RAG1: variants seen among roughly 807,000 people sequenced by gnomAD.
RAG1 encodes recombination activating 1.
A neutral mutation model predicts 62.7 loss-of-function variants in RAG1; 35 were observed. The ratio of observed to expected loss-of-function variants is 0.56; its 90% CI spans 0.43 to 0.74. The LOEUF is 0.74. Among genes scored for constraint, RAG1 ranks in the 30% least tolerant of loss-of-function variants. The pLI, the probability that RAG1 is intolerant of heterozygous loss-of-function variation, is 0.00. For missense variants in RAG1, 1,169 were observed against 1,278.6 expected (o/e 0.91, Z 1.31); for synonymous variants, 461 against 470.3 (o/e 0.98, Z 0.26).
In RAG1 at chr11:36,578,609, C is replaced by T. The variant is rs1645359453; in HGVS notation, c.*2173C>T. 6.0e-6 allele frequency: 1 copy of T among 166,932 alleles called. No homozygotes were observed. The highest frequency in any genetic ancestry group is 1.5e-5 in the Non-Finnish European group (1 of 68,104). 10.3% of individuals were successfully genotyped at this position (166,932 alleles called of 1,614,324 possible). On this transcript the variant is annotated 3_prime_UTR_variant, in exon 2 of 2. Transcript: ENST00000299440. ...TTATCCTTTTCTAACACTGTAGGAA[C>T]TATTTTGAATGCATGTGACTAAGAG...
chr11:36,577,145 A>G lies in RAG1; in HGVS notation c.*709A>G, dbSNP rs1203179556. ...GTCATCTGCTGTCATGGATTTTTCAATAATGAATTTAGAATACACCTGTTA... is the reference window on the plus strand; with the variant it reads ...GTCATCTGCTGTCATGGATTTTTCAGTAATGAATTTAGAATACACCTGTTA... On this transcript the variant is annotated 3_prime_UTR_variant, in exon 2 of 2. Transcript: ENST00000299440. The G allele has an allele frequency of 1.2e-5, 2 of 166,990 alleles. No homozygotes were observed. Among genetic ancestry groups the G allele is most frequent in the Non-Finnish European group, 2.9e-5 (2 of 68,138 alleles). The allele number at this position is 166,990 out of a possible 1,614,324, so 10.3% of individuals were successfully genotyped here. A position where few individuals can be genotyped will look rare whatever the true frequency, so the allele number is the denominator to read the frequency against.
At position 36,576,292 on chromosome 11, in the gene RAG1, G is replaced by A. The variant is rs1388654836; in HGVS notation, c.2988G>A (p.Leu996=). Residue 996 remains leucine (L), a synonymous_variant, in exon 2 of 2, where the codon TTG becomes TTA. Transcript: ENST00000299440. ...AAGATGTCCTGAAACACCACTGGTT[G>A]TACACCTCCAAATACCTCCAGAAGT... The part of the protein sequence containing the change: ...EMEDVLKHHW[L]YTSKYLQKFM... 5 of 1,613,992 alleles carry A rather than the reference G, an allele frequency of 3.1e-6. No individual in the cohort carries two copies. The Admixed American group carries it at 6.7e-5, about 22-fold the overall frequency.
In RAG1 at chr11:36,516,399, G is replaced by A. The variant is rs1486257708; in HGVS notation, n.331-3733G>A. Reference sequence around the variant, plus strand: ...TGCAGTGGCGCGATCTCCGCTCGCTGCAAGCTCCGCCTCCCGGGCTCACGC... The same window carrying A: ...TGCAGTGGCGCGATCTCCGCTCGCTACAAGCTCCGCCTCCCGGGCTCACGC... On this transcript the variant is annotated intron_variant and non_coding_transcript_variant, in intron 1 of 2. Coordinates refer to the RAG1 transcript ENST00000529126. Among the ~76,000 whole-genome samples the A allele has an allele frequency of 2.0e-5, 3 of 152,252 alleles. No homozygotes were observed. In the East Asian group the frequency reaches 5.8e-4, roughly 29 times the overall value.
rs144019501 is a variant in RAG1, at chr11:36,573,623, C to T, written c.319C>T (p.Leu107Phe). ...AGGCAAAGCGATCCATCAAGCCAAC[C>T]TTCGACATCTCTGCCGCATCTGTGG... ...ARGKAIHQANLRHLCRICGNS... is the reference protein window; with the variant it reads ...ARGKAIHQANFRHLCRICGNS... Residue 107 changes from leucine to phenylalanine, a missense_variant, in exon 2 of 2, where the codon CTT becomes TTT. Transcript: ENST00000299440. 15 of 1,614,044 alleles carry T rather than the reference C, an allele frequency of 9.3e-6. No individual in the cohort carries two copies. The highest frequency in any genetic ancestry group is 1.3e-5 in the African/African-American group (1 of 74,902).
At position 36,518,636 on chromosome 11, in the gene RAG1, C is replaced by T. The variant is rs533206384; in HGVS notation, n.331-1496C>T. On this transcript the variant is annotated intron_variant and non_coding_transcript_variant, in intron 1 of 2. Coordinates refer to the RAG1 transcript ENST00000529126. ...ATGTGTCTTTTGGCTGCATAAATGT[C>T]TTCTTTTGAGAACTGTCTGTTCATA... is the stretch of plus-strand genomic sequence containing the variant. Among the ~76,000 whole-genome samples, 8 of 152,266 alleles carry T rather than the reference C, an allele frequency of 5.3e-5. No individual in the cohort carries two copies. The South Asian group carries it at 1.7e-3, about 32-fold the overall frequency.
intron 1 of RAG1, among the ~76,000 whole-genome samples, chr11:36,572,223 T>C (rs1850759159): frequency 6.6e-6 from 1 of 152,196 alleles, no homozygotes; most frequent in African/African-American, 2.4e-5. Flanking sequence ...GGATGATGGA[T>C]TGAAAATACA....
chr11:36,544,214 A>G (rs982922025), intron 3 of RAG1, among the ~76,000 whole-genome samples: 1 of 152,212 alleles, frequency 6.6e-6, no homozygotes, highest in East Asian at 1.9e-4. Flanking sequence ...TTTTAAGTTA[A>G]GGAGGTTGTC....
At chr11:36,532,195 A>G (rs1295352075) in intron 2 of RAG1, among the ~76,000 whole-genome samples, 1 of 152,096 alleles carries the variant, frequency 6.6e-6, no homozygotes, top group Non-Finnish European at 1.5e-5. Flanking sequence ...AAAAAGAAAG[A>G]TATGGAGAAA....
intron 3 of RAG1, among the ~76,000 whole-genome samples, chr11:36,545,320 A>G (rs930349192): frequency 7.9e-5 from 12 of 152,276 alleles, no homozygotes; most frequent in African/African-American, 2.6e-4. Context: ...ATATATGAAG[A>G]GGGAGTTAAG....
At chr11:36,512,494 G>A (rs1194976777) in intron 1 of RAG1, among the ~76,000 whole-genome samples, 4 of 152,138 alleles carry the variant, frequency 2.6e-5, no homozygotes, top group Non-Finnish European at 4.4e-5. Flanking sequence ...CCTGATACTC[G>A]AAATAAGAAA....
intron 2 of RAG1, among the ~76,000 whole-genome samples, chr11:36,527,491 G>A (rs1396416944): frequency 6.6e-6 from 1 of 152,208 alleles, no homozygotes; most frequent in East Asian, 1.9e-4. Flanking sequence ...CTGTAGCCTT[G>A]TAGTATAGTT....
At chr11:36,545,730 A>G (rs371485544) in intron 3 of RAG1, among the ~76,000 whole-genome samples, 1 of 152,162 alleles carries the variant, frequency 6.6e-6, no homozygotes, top group African/African-American at 2.4e-5. Flanking sequence ...ACAAACCATG[A>G]TGCAATTAAC....
rs578236750 is a variant in RAG1 at position 36,549,206 on chromosome 11, G to A, written c.-412+13172G>A. 2.6e-5 allele frequency among the ~76,000 whole-genome samples: 4 copies of A among 152,308 alleles called. No homozygotes were observed. In the South Asian group the frequency reaches 8.3e-4, roughly 32 times the overall value. On this transcript the variant is annotated intron_variant and NMD_transcript_variant, in intron 3 of 9. Transcript: ENST00000534663. Reference sequence around the variant, plus strand: ...CCTAGGCAATACCATTCAGGATATAGGCATGGGCAAAGACTTCATGACTAA... The same window carrying A: ...CCTAGGCAATACCATTCAGGATATAAGCATGGGCAAAGACTTCATGACTAA...
At chr11:36,516,151 T>G (rs1859992449) in intron 1 of RAG1, among the ~76,000 whole-genome samples, 1 of 152,240 alleles carries the variant, frequency 6.6e-6, no homozygotes, top group African/African-American at 2.4e-5. Context: ...ACTGCTTTCC[T>G]TGAGGGAAAA....
At chr11:36,512,214 A>G (rs1166769798) in intron 1 of RAG1, among the ~76,000 whole-genome samples, 2 of 152,206 alleles carry the variant, frequency 1.3e-5, no homozygotes, top group Non-Finnish European at 2.9e-5. Flanking sequence ...AGAAGGATGC[A>G]TATCATTCCT....
chr11:36,527,682 C>A (rs895338772), intron 2 of RAG1, among the ~76,000 whole-genome samples: 11 of 152,200 alleles, frequency 7.2e-5, no homozygotes, highest in Middle Eastern at 3.4e-3. Context: ...GGCAGTATGG[C>A]CATTTTCATG....
At chr11:36,516,523 C>T (rs932329578) in intron 1 of RAG1, among the ~76,000 whole-genome samples, 21 of 152,194 alleles carry the variant, frequency 1.4e-4, no homozygotes, top group African/African-American at 5.1e-4. Flanking sequence ...GGAGTTTCAC[C>T]GTGTTAGCCA....
chr11:36,524,729 G>A (rs773149072), intron 2 of RAG1, among the ~76,000 whole-genome samples: 13 of 152,116 alleles, frequency 8.5e-5, no homozygotes, highest in South Asian at 2.1e-4. Flanking sequence ...GGATTCAAGC[G>A]ACCCACCCAC....
intron 1 of RAG1, among the ~76,000 whole-genome samples, chr11:36,572,042 A>G (rs1250115239): frequency 6.6e-6 from 1 of 152,082 alleles, no homozygotes; most frequent in African/African-American, 2.4e-5. Context: ...GTACCTCCTA[A>G]TCCCACCCCT....
Sources: allele counts gnomAD v4.1 joint callset (sites outside exome capture counted in the v4.1 genomes callset), GRCh38; gene constraint gnomAD v4.1.1; transcripts MANE v1.5; gene names NCBI Gene and HGNC (gene_info 2026-07-23, HGNC 2026-07-21).